Variants in SLCO1B1 observed in about 807,000 individuals in gnomAD.
The protein encoded by SLCO1B1 is OATP-2.
In SLCO1B1, 81 loss-of-function variants were observed where a neutral mutation model predicts 70.1. The ratio of observed to expected loss-of-function variants is 1.16; its 90% confidence interval spans 0.97 to 1.39. SLCO1B1 has a LOEUF of 1.39. Ranked by LOEUF, SLCO1B1 falls within the 40% of genes most tolerant of loss-of-function variation. SLCO1B1 has a pLI of 0.00. For missense variants in SLCO1B1, 895 were observed against 799.6 expected (o/e 1.12, Z -1.44); for synonymous variants, 283 against 271.5 (o/e 1.04, Z -0.42).
At chr12:21,236,515 G>C (rs1209710591) in intron 14 of SLCO1B1, among the ~76,000 whole-genome samples, 1 of 152,120 alleles carries the variant, frequency 6.6e-6, no homozygotes, top group African/African-American at 2.4e-5. Context: ...GTCTATCCCT[G>C]GGGAGTTCCC....
chr12:21,193,936 GC>G (rs1228474700), intron 7 of SLCO1B1, among the ~76,000 whole-genome samples: 1 of 152,044 alleles, frequency 6.6e-6, no homozygotes, highest in East Asian at 1.9e-4. Context: ...GACTACAGGT[GC>G]CCACCACGAT....
At chr12:21,213,986 T>G (rs887056684) in intron 11 of SLCO1B1, among the ~76,000 whole-genome samples, 1 of 151,636 alleles carries the variant, frequency 6.6e-6, no homozygotes, top group Non-Finnish European at 1.5e-5. Flanking sequence ...TTCAAAGTTT[T>G]CAACTTCTTT....
chr12:21,190,044 GGAAGGAAGCAGGCCTTTA>G (rs1941011542), intron 7 of SLCO1B1, among the ~76,000 whole-genome samples: 1 of 152,112 alleles, frequency 6.6e-6, no homozygotes, highest in Non-Finnish European at 1.5e-5. Flanking sequence ...GAAGCTATAG[GGAAGGAAGCAGGCCTTTA>G]GAAAGGTCAG....
chr12:21,143,944 G>A (rs1940347865), intron 2 of SLCO1B1, among the ~76,000 whole-genome samples: 2 of 151,950 alleles, frequency 1.3e-5, no homozygotes. Flanking sequence ...CACAGCAGGT[G>A]GCAATATATA....
intron 2 of SLCO1B1, among the ~76,000 whole-genome samples, chr12:21,157,110 A>G (rs188554124): frequency 5.3e-5 from 8 of 152,290 alleles, no homozygotes; most frequent in Admixed American, 5.2e-4. Context: ...TGAGGAAACT[A>G]CATTTCTGTG....
intron 2 of SLCO1B1, among the ~76,000 whole-genome samples, chr12:21,161,194 A>G (rs938232222): frequency 6.6e-6 from 1 of 152,204 alleles, no homozygotes; most frequent in South Asian, 2.1e-4. Flanking sequence ...TCATTCTACT[A>G]TAAAGACACA....
chr12:21,212,156 A>G (rs910959938), intron 11 of SLCO1B1, among the ~76,000 whole-genome samples: 3 of 122,022 alleles, frequency 2.5e-5, no homozygotes, highest in African/African-American at 6.3e-5. Flanking sequence ...TTGTGATGTT[A>G]GGGTGTCAAT....
At chr12:21,150,198 G>A (rs553586477) in intron 2 of SLCO1B1, among the ~76,000 whole-genome samples, 12 of 152,200 alleles carry the variant, frequency 7.9e-5, no homozygotes, top group East Asian at 3.9e-4. Context: ...CCCCAGTCAC[G>A]GGCTTATATA....
rs774398133 is a variant in SLCO1B1 at position 21,196,961 on chromosome 12, C to T, written c.743C>T (p.Thr248Ile). 42 of 1,613,328 alleles carry T rather than the reference C, an allele frequency of 2.6e-5. No homozygotes were observed. The highest frequency in any genetic ancestry group is 1.6e-4 in the Middle Eastern group (1 of 6,078). ...TTTATTCTAGGCACTATCAGGATAA[C>T]TCCTACTGATTCTCGATGGGTTGGA... ...GYVDLSTIRI[T>I]PTDSRWVGAW... Residue 248 changes from threonine (T) to isoleucine (I), a missense_variant, in exon 8 of 15, where the codon ACT (threonine) becomes ATT (isoleucine). Thr to Ile is a moderately conservative substitution (Grantham distance 89, BLOSUM62 -1). Coordinates refer to ENST00000256958, the MANE Select transcript of SLCO1B1 (RefSeq NM_006446.5).
intron 2 of SLCO1B1, among the ~76,000 whole-genome samples, chr12:21,150,221 T>C (rs1399541835): frequency 6.6e-6 from 1 of 150,770 alleles, no homozygotes; most frequent in African/African-American, 2.5e-5. Context: ...AAATTCCCTC[T>C]ATCTGGGACA....
intron 2 of SLCO1B1, among the ~76,000 whole-genome samples, chr12:21,163,703 G>A (rs981749950): frequency 3.9e-5 from 6 of 152,098 alleles, no homozygotes; most frequent in African/African-American, 1.4e-4. Flanking sequence ...ATGGAAGTGA[G>A]TTCTCTTCTT....
chr12:21,179,107 T>C, intron 7 of SLCO1B1, 87 bp downstream of exon 7: 1 of 812,086 alleles, frequency 1.2e-6, no homozygotes, highest in Admixed American at 1.7e-5. Context: ...GAATTCACTC[T>C]TTCAATAGTC....
At chr12:21,169,126 C>A (rs1940728357) in intron 2 of SLCO1B1, among the ~76,000 whole-genome samples, 2 of 152,164 alleles carry the variant, frequency 1.3e-5, no homozygotes, top group Admixed American at 1.3e-4. Context: ...CTGTCCGCTT[C>A]CTTGTACTAA....
intron 4 of SLCO1B1, among the ~76,000 whole-genome samples, chr12:21,175,710 T>G (rs1394431829): frequency 6.6e-6 from 1 of 152,158 alleles, no homozygotes; most frequent in Non-Finnish European, 1.5e-5. Flanking sequence ...TGATTCATTT[T>G]CTATCTTTGT....
Position 21,196,954 on chromosome 12 carries a change from AG to A in SLCO1B1, c.738del (p.Ile247Ter). On this transcript the variant is annotated frameshift_variant, in exon 8 of 15. Coordinates refer to ENST00000256958, the MANE Select transcript of SLCO1B1 (RefSeq NM_006446.5). LOFTEE classifies it high-confidence loss of function. ...DIGYVDLSTI[R>X]ITPTDSRWVG... ...ATAATTATTTATTCTAGGCACTATCAGGATAACTCCTACTGATTCTCGATGG... is the reference window on the plus strand; with the variant it reads ...ATAATTATTTATTCTAGGCACTATCAGATAACTCCTACTGATTCTCGATGG... The A allele has an allele frequency of 6.2e-7, 1 of 1,613,326 alleles. No individual in the cohort carries two copies. Among genetic ancestry groups the A allele is most frequent in the Non-Finnish European group, 8.5e-7 (1 of 1,179,444 alleles).
chr12:21,165,413 T>C (rs1940672264), intron 2 of SLCO1B1, among the ~76,000 whole-genome samples: 2 of 152,214 alleles, frequency 1.3e-5, no homozygotes, highest in East Asian at 1.9e-4. Context: ...GCCACACATA[T>C]GTCCAAGGCA....
intron 2 of SLCO1B1, among the ~76,000 whole-genome samples, chr12:21,167,394 A>C (rs1161128006): frequency 6.6e-6 from 1 of 152,196 alleles, no homozygotes; most frequent in Non-Finnish European, 1.5e-5. Context: ...GAACTTCATA[A>C]ATTAGTGGAT....
At chr12:21,141,488 A>G in intron 1 of SLCO1B1, 26 bp from the exon 2 acceptor site, 1 of 752,382 alleles carries the variant, frequency 1.3e-6, no homozygotes, top group Non-Finnish European at 2.3e-6. Flanking sequence ...AAAATAAAAT[A>G]AACTATACTT....
chr12:21,203,598 A>G (rs911979445), intron 10 of SLCO1B1, among the ~76,000 whole-genome samples: 3 of 151,986 alleles, frequency 2.0e-5, no homozygotes, highest in Non-Finnish European at 4.4e-5. Flanking sequence ...TTCTATAAAC[A>G]TTGTGCTATT....
Sources: allele counts gnomAD v4.1 joint callset (sites outside exome capture counted in the v4.1 genomes callset), GRCh38; gene constraint gnomAD v4.1.1; transcripts MANE v1.5; gene names NCBI Gene and HGNC (gene_info 2026-07-23, HGNC 2026-07-21).